The following HERC3 variants were observed in gnomAD, a reference collection of about 807,000 sequenced individuals.
HERC3 encodes the protein HECT and RLD domain containing E3 ubiquitin protein ligase 3, also known as probable E3 ubiquitin-protein ligase HERC3.
A neutral mutation model predicts 129.9 loss-of-function variants in HERC3; 58 were observed. The ratio of observed to expected loss-of-function variants is 0.45; its 90% CI spans 0.36 to 0.56. The LOEUF (loss-of-function observed/expected upper bound fraction) is 0.56. HERC3 is among the 20% of genes least tolerant of loss of function. HERC3 has a pLI of 0.00. For missense variants in HERC3, 835 were observed against 1,244.2 expected (o/e 0.67, Z 4.95); for synonymous variants, 430 against 451.0 (o/e 0.95, Z 0.59).
chr4:88,706,475 CCTT>C (rs1401079935), intron 25 of HERC3, among the ~76,000 whole-genome samples: 2 of 152,330 alleles, frequency 1.3e-5, no homozygotes, highest in East Asian at 3.9e-4. Flanking sequence ...TCTGTTTTCC[CCTT>C]AAGATCAGCT....
chr4:88,674,237 G>A (rs528401991), intron 16 of HERC3, among the ~76,000 whole-genome samples: 1 of 152,254 alleles, frequency 6.6e-6, no homozygotes, highest in Admixed American at 6.5e-5. Flanking sequence ...GGGGGTTACA[G>A]GAAGAGGGTG....
chr4:88,706,829 G>A lies in HERC3; in HGVS notation c.3022G>A (p.Gly1008Arg), dbSNP rs1249626526. ...LQIVIQSTAS[G>R]EEYLPVAHTC... The stretch of plus-strand genomic sequence containing the variant: ...GATTGTCATCCAGTCCACAGCCAGC[G>A]GGGAGGAGTACTTGCCGGTGGCCCA... The change falls in exon 26 of 26, where the codon GGG becomes AGG. Residue 1008 changes from glycine (G) to arginine (R), a missense_variant. By Grantham distance (125) the Gly-to-Arg change is moderately radical (BLOSUM62 -2). Transcript: ENST00000402738. 1.9e-6 allele frequency: 3 copies of A among 1,614,118 alleles called. No individual in the cohort carries two copies. The highest frequency in any genetic ancestry group is 1.7e-6 in the Non-Finnish European group (2 of 1,180,010).
chr4:88,593,495 G>C (rs1560649674), intron 1 of HERC3: 1 of 152,288 alleles, frequency 6.6e-6, no homozygotes, highest in Non-Finnish European at 1.5e-5. Flanking sequence ...CAGGGAATAA[G>C]TATTTGAACT....
Position 88,662,531 on chromosome 4 carries a change from A to G in HERC3, c.1247A>G (p.Glu416Gly). Reference protein sequence around the residue: ...TIAVWRQKLSEHNNANTINGV... With the variant: ...TIAVWRQKLSGHNNANTINGV... ...GCAGTTTGGAGACAAAAACTCTCAG[A>G]ACACAACAATGCAAATACAATCAAG... The change falls in exon 11 of 26, where the codon GAA becomes GGA. Residue 416 changes from glutamate to glycine, a missense_variant. Coordinates refer to ENST00000402738, the MANE Select transcript of HERC3 (RefSeq NM_014606.3). 6.2e-7 allele frequency: 1 copy of G among 1,613,100 alleles called. No homozygotes were observed. The highest frequency in any genetic ancestry group is 8.5e-7 in the Non-Finnish European group (1 of 1,179,676).
chr4:88,668,795 A>G (rs1731310744), intron 14 of HERC3: 1 of 152,172 alleles, frequency 6.6e-6, no homozygotes. Flanking sequence ...GCCGTGAATA[A>G]AGAGATTGTG....
intron 23 of HERC3, among the ~76,000 whole-genome samples, chr4:88,701,664 T>C (rs1228655981): frequency 6.6e-6 from 1 of 152,182 alleles, no homozygotes. Flanking sequence ...AATTCCAAAT[T>C]ACTGATACTG....
At chr4:88,579,822 G>A in the HERC3 span, among the ~76,000 whole-genome samples, 5,941 of 152,154 alleles carry the variant, frequency 0.039, 181 homozygotes, top group Non-Finnish European at 0.061. Context: ...TAATCACCAG[G>A]GTCTTTACAT....
At chr4:88,552,504 T>C in the HERC3 span, among the ~76,000 whole-genome samples, 1 of 152,166 alleles carries the variant, frequency 6.6e-6, no homozygotes. Context: ...CTACCTATCT[T>C]GGCCTCCCAA....
chr4:88,620,324 A>G (rs983216034), intron 3 of HERC3, among the ~76,000 whole-genome samples: 1 of 152,184 alleles, frequency 6.6e-6, no homozygotes, highest in Admixed American at 6.5e-5. Flanking sequence ...TGTAATTGCT[A>G]CCTTAAACCT....
At chr4:88,561,904 A>G in the HERC3 span, among the ~76,000 whole-genome samples, 1 of 152,160 alleles carries the variant, frequency 6.6e-6, no homozygotes, top group Non-Finnish European at 1.5e-5. Flanking sequence ...GTTGATGGAC[A>G]CTTAGGTTGC....
At chr4:88,602,171 C>CG (rs1388891474) in intron 2 of HERC3, among the ~76,000 whole-genome samples, 1 of 151,642 alleles carries the variant, frequency 6.6e-6, no homozygotes, top group Non-Finnish European at 1.5e-5. Flanking sequence ...GAGGCCAAGG[C>CG]GGGCTAATTA....
rs555263404 is a variant in HERC3, at chr4:88,693,293, CAG to C, written c.2657+5995_2657+5996del. On this transcript the variant is annotated intron_variant, in intron 23 of 25. Coordinates refer to ENST00000402738, the MANE Select transcript of HERC3 (RefSeq NM_014606.3). Reference sequence around the variant, plus strand: ...AATTTGCTTTTTAATGATAAGGTCTCAGGGGTGAAATGGAATTAAAATGTATA... The same window carrying C: ...AATTTGCTTTTTAATGATAAGGTCTCGGGTGAAATGGAATTAAAATGTATA... 989 of 973,596 alleles carry C rather than the reference CAG, an allele frequency of 1.0e-3. 10 individuals are homozygous for C. In the African/African-American group the frequency reaches 0.014, roughly 14 times the overall value. 60.3% of individuals were successfully genotyped at this position (973,596 alleles called of 1,614,324 possible).
At chr4:88,670,304 C>T (rs771342953) in intron 16 of HERC3, 52 bp downstream of exon 16, 1 of 1,176,528 alleles carries the variant, frequency 8.5e-7, no homozygotes, top group African/African-American at 1.5e-5. Flanking sequence ...ATAAGAAAAG[C>T]ACATGTGAGC....
chr4:88,538,484 G>A, the HERC3 span, among the ~76,000 whole-genome samples: 4 of 151,852 alleles, frequency 2.6e-5, no homozygotes, highest in African/African-American at 9.7e-5. Context: ...CTTATAGATG[G>A]CTGTCTCTCT....
chr4:88,554,584 A>C, the HERC3 span, among the ~76,000 whole-genome samples: 6 of 152,240 alleles, frequency 3.9e-5, no homozygotes, highest in South Asian at 1.2e-3. Flanking sequence ...GAATTTGATT[A>C]AAGCTTCTCA....
chr4:88,704,362 C>T (rs976400801), intron 24 of HERC3, 81 bp downstream of exon 24: 73 of 1,440,182 alleles, frequency 5.1e-5, no homozygotes, highest in Non-Finnish European at 6.9e-5. Flanking sequence ...AGCCTGGTCT[C>T]GTTCCAAGCA....
the HERC3 span, among the ~76,000 whole-genome samples, chr4:88,578,151 A>C: frequency 6.6e-6 from 1 of 152,256 alleles, no homozygotes; most frequent in East Asian, 1.9e-4. Flanking sequence ...AGAAACAGAA[A>C]TGTCAAGGAC....
the HERC3 span, among the ~76,000 whole-genome samples, chr4:88,568,189 A>G: frequency 2.6e-5 from 4 of 152,364 alleles, no homozygotes; most frequent in African/African-American, 7.2e-5. Context: ...ATAAAACTTC[A>G]TAGTGTGGAC....
At chr4:88,560,852 C>T in the HERC3 span, among the ~76,000 whole-genome samples, 2 of 152,128 alleles carry the variant, frequency 1.3e-5, no homozygotes, top group South Asian at 4.1e-4. Context: ...AGCCTCTCTC[C>T]ATTGTGTTCT....
Sources: gnomAD v4.1 joint callset for allele counts (sites outside exome capture counted in the v4.1 genomes callset) on GRCh38, gnomAD v4.1.1 for gene constraint, MANE v1.5 for transcripts, NCBI Gene and HGNC (gene_info 2026-07-23, HGNC 2026-07-21) for gene names.